Variants in SEMA6D observed in about 807,000 individuals in gnomAD.
SEMA6D encodes semaphorin 6D.
SEMA6D carries 35 observed loss-of-function variants against 106.6 expected under a neutral mutation model. The observed-to-expected ratio is 0.33, with a 90% confidence interval of 0.25 to 0.44. The LOEUF is 0.44. SEMA6D is among the 20% of genes least tolerant of loss of function. SEMA6D has a pLI of 1.00. For synonymous variants in SEMA6D, 499 were observed against 487.7 expected (o/e 1.02, Z -0.31); for missense variants, 1,185 against 1,345.9 (o/e 0.88, Z 1.87).
At chr15:47,487,581 T>C (rs190094344) in intron 3 of SEMA6D, among the ~76,000 whole-genome samples, 18 of 152,356 alleles carry the variant, frequency 1.2e-4, no homozygotes, top group African/African-American at 4.3e-4. Flanking sequence ...GTTTCCTTTA[T>C]TTAACAACAC....
At chr15:47,524,682 G>A (rs1004388767) in intron 3 of SEMA6D, among the ~76,000 whole-genome samples, 4 of 152,190 alleles carry the variant, frequency 2.6e-5, no homozygotes, top group African/African-American at 7.2e-5. Flanking sequence ...ATTAATGCAA[G>A]GAAGTCTCTT....
At chr15:47,533,685 C>A (rs962593223) in intron 3 of SEMA6D, among the ~76,000 whole-genome samples, 1 of 152,114 alleles carries the variant, frequency 6.6e-6, no homozygotes, top group Non-Finnish European at 1.5e-5. Flanking sequence ...ACTGTGCCCC[C>A]ACCAGACCAT....
At chr15:47,558,327 A>G (rs2045974149) in intron 3 of SEMA6D, among the ~76,000 whole-genome samples, 1 of 152,052 alleles carries the variant, frequency 6.6e-6, no homozygotes, top group Admixed American at 6.6e-5. Flanking sequence ...CCAATGAGAT[A>G]AATTACAGAG....
At chr15:47,345,359 A>G (rs2038002723) in intron 1 of SEMA6D, among the ~76,000 whole-genome samples, 1 of 152,182 alleles carries the variant, frequency 6.6e-6, no homozygotes. Flanking sequence ...ATTGGAGTAA[A>G]AAGATCAATG....
At chr15:47,469,122 A>G (rs1256694775) in intron 2 of SEMA6D, among the ~76,000 whole-genome samples, 1 of 152,228 alleles carries the variant, frequency 6.6e-6, no homozygotes, top group Admixed American at 6.5e-5. Flanking sequence ...CAGAGGAAGG[A>G]GTATTTTATC....
intron 1 of SEMA6D, among the ~76,000 whole-genome samples, chr15:47,404,828 G>A (rs114252806): frequency 0.023 from 3,501 of 152,188 alleles, 159 homozygotes; most frequent in African/African-American, 0.081. Context: ...TTTGCTCAGT[G>A]TAAAGGATAA....
At chr15:47,305,116 T>A (rs1333769853) in intron 1 of SEMA6D, among the ~76,000 whole-genome samples, 2 of 152,228 alleles carry the variant, frequency 1.3e-5, no homozygotes, top group East Asian at 3.8e-4. Flanking sequence ...CCAGATCAAC[T>A]AAATCAAATT....
At chr15:47,519,572 A>G (rs948458998) in intron 3 of SEMA6D, among the ~76,000 whole-genome samples, 2 of 152,226 alleles carry the variant, frequency 1.3e-5, no homozygotes, top group Admixed American at 1.3e-4. Context: ...TAGACAGGCC[A>G]TAATCAGCAA....
At chr15:47,359,824 AAT>A (rs1441875265) in intron 1 of SEMA6D, 1 of 152,164 alleles carries the variant, frequency 6.6e-6, no homozygotes, top group Non-Finnish European at 1.5e-5. Context: ...GAATACTAAA[AAT>A]TTAGCATAGT....
chr15:47,552,627 C>G (rs1241469746), intron 3 of SEMA6D, among the ~76,000 whole-genome samples: 1 of 145,740 alleles, frequency 6.9e-6, no homozygotes, highest in Non-Finnish European at 1.5e-5. Context: ...TTAGGTTTCT[C>G]GGGGAGCAGT....
chr15:47,455,582 C>G (rs1425383460), intron 2 of SEMA6D, among the ~76,000 whole-genome samples: 3 of 151,874 alleles, frequency 2.0e-5, no homozygotes, highest in Non-Finnish European at 4.4e-5. Flanking sequence ...AAAAGAATCT[C>G]TCCAGGATTT....
intron 1 of SEMA6D, among the ~76,000 whole-genome samples, chr15:47,299,664 A>T (rs1161866827): frequency 2.0e-5 from 3 of 152,228 alleles, no homozygotes; most frequent in African/African-American, 7.2e-5. Context: ...GTGTATTGTT[A>T]TTCTTGATGA....
At chr15:47,473,660 A>T (rs1023906297) in intron 3 of SEMA6D, among the ~76,000 whole-genome samples, 1 of 152,158 alleles carries the variant, frequency 6.6e-6, no homozygotes, top group Non-Finnish European at 1.5e-5. Flanking sequence ...TTCTCATAAA[A>T]TAAAACTAAT....
At chr15:47,203,561 T>C (rs1431055733) in intron 1 of SEMA6D, among the ~76,000 whole-genome samples, 1 of 152,176 alleles carries the variant, frequency 6.6e-6, no homozygotes, top group Non-Finnish European at 1.5e-5. Context: ...CCCATTTTCC[T>C]CTTCCCTATG....
chr15:47,451,827 A>G, intron 2 of SEMA6D, among the ~76,000 whole-genome samples: 1 of 152,024 alleles, frequency 6.6e-6, no homozygotes. Context: ...AGCTGGGGGG[A>G]ATATTTGCAG....
intron 3 of SEMA6D, among the ~76,000 whole-genome samples, chr15:47,532,687 A>G (rs1473870629): frequency 2.0e-5 from 3 of 152,148 alleles, no homozygotes; most frequent in African/African-American, 7.2e-5. Context: ...TCCTTGGCCA[A>G]TCCACAGTGG....
At chr15:47,534,703 G>A (rs2045097551) in intron 3 of SEMA6D, among the ~76,000 whole-genome samples, 1 of 152,072 alleles carries the variant, frequency 6.6e-6, no homozygotes, top group South Asian at 2.1e-4. Context: ...TGAGATTCTT[G>A]AAGAAGTTTC....
rs542361430 is a variant in SEMA6D at position 47,564,733 on chromosome 15, A to G, written c.-86-36132A>G. Among the ~76,000 whole-genome samples the G allele has an allele frequency of 2.6e-5, 4 of 152,208 alleles. No homozygotes were observed. In the South Asian group the frequency reaches 8.3e-4, roughly 32 times the overall value. On this transcript the variant is annotated intron_variant, in intron 3 of 19. Coordinates refer to the SEMA6D transcript ENST00000558014. ...CCTGAGACCATGGCCCAAAGTGAGA[A>G]CTTATATCCCTGTTTTCTCACTAGA...
intron 2 of SEMA6D, among the ~76,000 whole-genome samples, chr15:47,446,535 T>A (rs1353580): frequency 0.48 from 73,159 of 152,052 alleles, 18,966 homozygotes; most frequent in African/African-American, 0.69. Context: ...ATGTTTAAAC[T>A]CTGGTGATCA....
Sources: gnomAD v4.1 joint callset for allele counts (sites outside exome capture counted in the v4.1 genomes callset) on GRCh38, gnomAD v4.1.1 for gene constraint, MANE v1.5 for transcripts, NCBI Gene and HGNC (gene_info 2026-07-23, HGNC 2026-07-21) for gene names.